Variants in MGAT4C observed in about 807,000 individuals in gnomAD.
MGAT4C encodes MGAT4 family member C, also known as alpha-1,3-mannosyl-glycoprotein 4-beta-N-acetylglucosaminyltransferase C.
Under a neutral mutation model 40.1 loss-of-function variants are expected in MGAT4C, and 19 were observed. The ratio of observed to expected loss-of-function variants is 0.47; its 90% CI spans 0.33 to 0.70. The LOEUF is 0.70. MGAT4C is among the 30% of genes least tolerant of loss of function. The pLI, the probability that MGAT4C is intolerant of heterozygous loss-of-function variation, is 0.02. For missense variants in MGAT4C, 491 were observed against 563.2 expected, an observed-to-expected ratio of 0.87 and a Z score of 1.30; for synonymous variants, 181 against 187.1, an observed-to-expected ratio of 0.97 and a Z score of 0.27.
At chr12:86,678,041 A>G (rs10745430) in intron 2 of MGAT4C, among the ~76,000 whole-genome samples, 118,162 of 152,002 alleles carry the variant, frequency 0.78, 47,282 homozygotes, top group Middle Eastern at 0.88. Flanking sequence ...TCTCAAATTT[A>G]TATTTCCAGT....
chr12:86,720,592 T>C (rs1362525981), intron 2 of MGAT4C, among the ~76,000 whole-genome samples: 1 of 152,160 alleles, frequency 6.6e-6, no homozygotes, highest in African/African-American at 2.4e-5. Flanking sequence ...TATCTCCTTT[T>C]AAAGTCTCAC....
intron 2 of MGAT4C, among the ~76,000 whole-genome samples, chr12:86,643,210 C>T (rs1235546930): frequency 6.6e-6 from 1 of 151,696 alleles, no homozygotes; most frequent in Non-Finnish European, 1.5e-5. Flanking sequence ...CCCACAATAA[C>T]AGCATTAATT....
chr12:86,439,830 A>T (rs1957197148), intron 2 of MGAT4C, among the ~76,000 whole-genome samples: 1 of 151,386 alleles, frequency 6.6e-6, no homozygotes, highest in Admixed American at 6.6e-5. Flanking sequence ...AAGATCCTTC[A>T]AGACCATTAT....
chr12:86,289,656 C>T (rs1953453837), intron 4 of MGAT4C, among the ~76,000 whole-genome samples: 1 of 151,988 alleles, frequency 6.6e-6, no homozygotes, highest in South Asian at 2.1e-4. Context: ...TATTTTATTC[C>T]TTTTGTGGCT....
At chr12:86,622,909 GAA>G (rs1333535403) in intron 2 of MGAT4C, among the ~76,000 whole-genome samples, 3 of 151,962 alleles carry the variant, frequency 2.0e-5, no homozygotes, top group Admixed American at 6.6e-5. Flanking sequence ...AAAACTGACA[GAA>G]AAGAGTGAGA....
chr12:86,035,399 T>C (rs1199251617), intron 2 of MGAT4C, among the ~76,000 whole-genome samples: 1 of 150,348 alleles, frequency 6.7e-6, no homozygotes, highest in African/African-American at 2.4e-5. Context: ...TGTCTGTTCA[T>C]ATCCTTCACG....
At chr12:86,561,885 A>G (rs1959879773) in intron 2 of MGAT4C, among the ~76,000 whole-genome samples, 1 of 152,194 alleles carries the variant, frequency 6.6e-6, no homozygotes, top group South Asian at 2.1e-4. Context: ...TGGCTGCTTT[A>G]TCTTACTAGA....
At chr12:86,464,164 C>T (rs1472309482) in intron 2 of MGAT4C, among the ~76,000 whole-genome samples, 2 of 152,046 alleles carry the variant, frequency 1.3e-5, no homozygotes, top group Non-Finnish European at 2.9e-5. Context: ...TTCCTTGATG[C>T]CTCACTGATG....
intron 1 of MGAT4C, among the ~76,000 whole-genome samples, chr12:86,736,414 C>T (rs1053337385): frequency 6.6e-6 from 1 of 151,790 alleles, no homozygotes; most frequent in African/African-American, 2.4e-5. Flanking sequence ...CCCTTATTAT[C>T]CGGCTTAAAT....
intron 2 of MGAT4C, among the ~76,000 whole-genome samples, chr12:86,648,235 A>G (rs1223431871): frequency 6.6e-6 from 1 of 151,906 alleles, no homozygotes; most frequent in East Asian, 1.9e-4. Context: ...ATTGTTTTGA[A>G]TCCAACACTG....
At position 86,002,208 on chromosome 12, in the gene MGAT4C, T is replaced by G. The variant is rs547870079; in HGVS notation, c.-6-12656A>C. On this transcript the variant is annotated intron_variant, in intron 2 of 4. Transcript: ENST00000611864. ...AGGGACTCTAGGACCCCAAAAGCAA[T>G]TGTCTGAGGTTGAAAAAGGAAAAAA... 296 of 152,122 alleles carry G rather than the reference T, an allele frequency of 1.9e-3. 1 individual carries two copies. Among genetic ancestry groups the G allele is most frequent in the African/African-American group, 6.6e-3 (274 of 41,526 alleles). The allele number at this position is 152,122 out of a possible 1,614,324, so 9.4% of individuals were successfully genotyped here.
chr12:86,302,201 TAAAG>T (rs1953829467), intron 4 of MGAT4C, among the ~76,000 whole-genome samples: 2 of 151,038 alleles, frequency 1.3e-5, no homozygotes, highest in Middle Eastern at 6.8e-3. Context: ...AGATTAGATA[TAAAG>T]ATTCTTTAGC....
At chr12:86,130,711 A>C (rs1881049718) in intron 1 of MGAT4C, among the ~76,000 whole-genome samples, 1 of 152,046 alleles carries the variant, frequency 6.6e-6, no homozygotes, top group Admixed American at 6.5e-5. Context: ...CATCCATTAC[A>C]TAATCTTAAA....
intron 3 of MGAT4C, among the ~76,000 whole-genome samples, chr12:86,402,169 G>A (rs1407866898): frequency 1.3e-5 from 2 of 151,950 alleles, no homozygotes; most frequent in Non-Finnish European, 2.9e-5. Flanking sequence ...AATAGGCCGG[G>A]CACAGTGGCT....
At chr12:86,173,648 G>T (rs1310046148) in intron 1 of MGAT4C, among the ~76,000 whole-genome samples, 2 of 151,978 alleles carry the variant, frequency 1.3e-5, no homozygotes, top group African/African-American at 2.4e-5. Context: ...TTTTCAAACA[G>T]TGGAACACTT....
chr12:86,138,644 TATATATATTTCCATATATATC>T (rs1320807850), intron 1 of MGAT4C, among the ~76,000 whole-genome samples: 30 of 147,744 alleles, frequency 2.0e-4, no homozygotes, highest in South Asian at 1.5e-3. Context: ...AGATATATCA[TATATATATTTCCATATATATC>T]ATATATATTT....
intron 1 of MGAT4C, among the ~76,000 whole-genome samples, chr12:86,747,771 A>T (rs1000117371): frequency 2.7e-5 from 4 of 149,108 alleles, no homozygotes; most frequent in African/African-American, 7.3e-5. Context: ...CTGGAAGGAA[A>T]TTTTTTTTTT....
chr12:86,349,218 A>G (rs913993579), intron 3 of MGAT4C, among the ~76,000 whole-genome samples: 2 of 152,146 alleles, frequency 1.3e-5, no homozygotes, highest in Admixed American at 1.3e-4. Flanking sequence ...GTGGGAAATT[A>G]GACCAACACT....
At chr12:86,490,750 AG>A (rs1177688121) in intron 2 of MGAT4C, among the ~76,000 whole-genome samples, 2 of 152,180 alleles carry the variant, frequency 1.3e-5, no homozygotes, top group Non-Finnish European at 2.9e-5. Flanking sequence ...AAAAAAAGGC[AG>A]GGTTTGCAAT....
Sources: gnomAD v4.1 joint callset for allele counts (sites outside exome capture counted in the v4.1 genomes callset) on GRCh38, gnomAD v4.1.1 for gene constraint, MANE v1.5 for transcripts, NCBI Gene and HGNC (gene_info 2026-07-23, HGNC 2026-07-21) for gene names.